NRG3: variants seen among roughly 807,000 people sequenced by gnomAD.
NRG3 encodes the protein pro-neuregulin-3, membrane-bound isoform.
NRG3 carries 31 observed loss-of-function variants against 66.9 expected under a neutral mutation model. The ratio of observed to expected loss-of-function variants is 0.46; its 90% CI spans 0.35 to 0.63. The LOEUF is 0.63. Ranked by LOEUF, NRG3 falls within the 20% of genes least tolerant of loss-of-function variation. The pLI is 0.00. For missense variants in NRG3, 910 were observed against 878.9 expected, an observed-to-expected ratio of 1.04 and a Z score of -0.45; for synonymous variants, 393 against 359.4, an observed-to-expected ratio of 1.09 and a Z score of -1.06.
intron 1 of NRG3, among the ~76,000 whole-genome samples, chr10:82,319,302 C>T (rs142462578): frequency 2.2e-4 from 33 of 152,262 alleles, no homozygotes; most frequent in Non-Finnish European, 4.0e-4. Context: ...ATTAGTCAAT[C>T]GCTTTTTCTA....
At chr10:82,694,458 A>C (rs2134230969) in intron 2 of NRG3, among the ~76,000 whole-genome samples, 1 of 152,278 alleles carries the variant, frequency 6.6e-6, no homozygotes, top group South Asian at 2.1e-4. Flanking sequence ...GTATTTCTTA[A>C]GAATACTCAA....
intron 1 of NRG3, among the ~76,000 whole-genome samples, chr10:82,196,547 T>C (rs2074459286): frequency 6.6e-6 from 1 of 152,150 alleles, no homozygotes; most frequent in Admixed American, 6.5e-5. Flanking sequence ...CACTAAAATA[T>C]GGATAAAAAG....
intron 1 of NRG3, among the ~76,000 whole-genome samples, chr10:82,208,135 T>C (rs1231434281): frequency 6.6e-6 from 1 of 152,074 alleles, no homozygotes; most frequent in Non-Finnish European, 1.5e-5. Context: ...TTAAGTCTCA[T>C]CGATATAAAT....
chr10:82,513,161 A>G (rs905075291), intron 2 of NRG3, among the ~76,000 whole-genome samples: 1 of 152,022 alleles, frequency 6.6e-6, no homozygotes, highest in South Asian at 2.1e-4. Flanking sequence ...CTATGTCCAT[A>G]TGTTCTCATT....
intron 2 of NRG3, among the ~76,000 whole-genome samples, chr10:82,703,069 T>TCG (rs2056020760): frequency 6.6e-6 from 1 of 151,642 alleles, no homozygotes; most frequent in South Asian, 2.1e-4. Flanking sequence ...TCTCTCTCTC[T>TCG]CGCTCACTCT....
chr10:82,298,281 A>G (rs2080195696), intron 1 of NRG3, among the ~76,000 whole-genome samples: 1 of 151,044 alleles, frequency 6.6e-6, no homozygotes, highest in Non-Finnish European at 1.5e-5. Flanking sequence ...GGAGAGAGGG[A>G]GGAAGGAAGG....
intron 7 of NRG3, among the ~76,000 whole-genome samples, chr10:82,976,837 C>T (rs901288351): frequency 6.6e-6 from 1 of 152,038 alleles, no homozygotes; most frequent in African/African-American, 2.4e-5. Flanking sequence ...TGCAGTGCGG[C>T]CCCCTCCTTA....
At chr10:82,609,079 C>T (rs1289290250) in intron 2 of NRG3, among the ~76,000 whole-genome samples, 1 of 152,096 alleles carries the variant, frequency 6.6e-6, no homozygotes, top group Non-Finnish European at 1.5e-5. Flanking sequence ...GAAGAGATCT[C>T]ATAATCCTTT....
At chr10:82,032,109 G>T (rs1396726260) in intron 1 of NRG3, among the ~76,000 whole-genome samples, 2 of 142,380 alleles carry the variant, frequency 1.4e-5, no homozygotes, top group Non-Finnish European at 3.1e-5. Flanking sequence ...TATCTTGTTT[G>T]ATTCTTTTTT....
chr10:81,900,754 T>A (rs1843987636), intron 1 of NRG3, among the ~76,000 whole-genome samples: 2 of 152,208 alleles, frequency 1.3e-5, no homozygotes, highest in African/African-American at 4.8e-5. Context: ...CTAGGTTTCT[T>A]AGATAATTGG....
At chr10:82,867,243 T>C (rs981528273) in intron 4 of NRG3, among the ~76,000 whole-genome samples, 2 of 152,210 alleles carry the variant, frequency 1.3e-5, no homozygotes, top group African/African-American at 4.8e-5. Flanking sequence ...GCTTCTTCCA[T>C]CTTTTGGTTT....
intron 1 of NRG3, among the ~76,000 whole-genome samples, chr10:82,076,065 A>C (rs2065073820): frequency 6.6e-6 from 1 of 152,168 alleles, no homozygotes; most frequent in Non-Finnish European, 1.5e-5. Flanking sequence ...GCATCCTGTT[A>C]AAGCTGTGTC....
chr10:82,635,435 G>T (rs1472658493), intron 2 of NRG3, among the ~76,000 whole-genome samples: 1 of 152,072 alleles, frequency 6.6e-6, no homozygotes, highest in Admixed American at 6.6e-5. Flanking sequence ...GAGTTGCTGG[G>T]CAGGCTTTCC....
intron 2 of NRG3, among the ~76,000 whole-genome samples, chr10:82,402,742 A>T (rs1353266076): frequency 6.6e-6 from 1 of 152,116 alleles, no homozygotes; most frequent in African/African-American, 2.4e-5. Flanking sequence ...TTAGATTCAA[A>T]TACGTCTATG....
chr10:82,705,384 T>TG (rs532787588), intron 2 of NRG3, among the ~76,000 whole-genome samples: 433 of 152,270 alleles, frequency 2.8e-3, no homozygotes, highest in African/African-American at 9.9e-3. Context: ...TCAGAGGCTG[T>TG]GGGGGGCAGA....
chr10:82,948,861 A>G (rs1849263276), intron 4 of NRG3, among the ~76,000 whole-genome samples: 1 of 152,164 alleles, frequency 6.6e-6, no homozygotes, highest in African/African-American at 2.4e-5. Flanking sequence ...GCAAACAAAG[A>G]CAACTTTTCT....
chr10:81,914,420 A>T (rs1320612198), intron 1 of NRG3, among the ~76,000 whole-genome samples: 3 of 152,054 alleles, frequency 2.0e-5, no homozygotes, highest in Non-Finnish European at 4.4e-5. Context: ...CATTTCAAAA[A>T]TGCTCAATTT....
Position 82,321,824 on chromosome 10 carries a change from C to T in NRG3, c.824-36915C>T, listed in dbSNP as rs189707937. On this transcript the variant is annotated intron_variant, in intron 1 of 8. Transcript: ENST00000372141. ...TCCTGAAGGCATAGAACCTTTTTCT[C>T]CCTCTAGTTAACATGGCCCTTCTTT... Among the ~76,000 whole-genome samples the T allele has an allele frequency of 1.3e-5, 2 of 152,268 alleles. 1 individual carries two copies. The highest frequency in any genetic ancestry group is 1.3e-4 in the Admixed American group (2 of 15,294).
At chr10:82,149,746 G>A (rs1485555419) in intron 1 of NRG3, among the ~76,000 whole-genome samples, 1 of 150,448 alleles carries the variant, frequency 6.6e-6, no homozygotes, top group African/African-American at 2.5e-5. Flanking sequence ...TAGAATGTCA[G>A]ACTAATAAAT....
Sources: gnomAD v4.1 joint callset for allele counts (sites outside exome capture counted in the v4.1 genomes callset) on GRCh38, gnomAD v4.1.1 for gene constraint, MANE v1.5 for transcripts, NCBI Gene and HGNC (gene_info 2026-07-23, HGNC 2026-07-21) for gene names.